ATP11A: variants seen among roughly 807,000 people sequenced by gnomAD.
ATP11A encodes phospholipid-transporting ATPase IH.
In ATP11A, 81 loss-of-function variants were observed where a neutral mutation model predicts 154.4. That is an observed-to-expected ratio of 0.52 (90% CI 0.44 to 0.63). The LOEUF (loss-of-function observed/expected upper bound fraction) is 0.63, where lower values mean the gene tolerates loss of function less well. Among genes scored for constraint, ATP11A ranks in the 30% least tolerant of loss-of-function variants. The pLI, the probability that ATP11A is intolerant of heterozygous loss-of-function variation, is 0.00. For synonymous variants in ATP11A, 623 were observed against 585.9 expected (o/e 1.06, Z -0.91); for missense variants, 1,316 against 1,474.3 (o/e 0.89, Z 1.76).
At chr13:112,834,225 T>C (rs1234728208) in intron 14 of ATP11A, among the ~76,000 whole-genome samples, 2 of 152,216 alleles carry the variant, frequency 1.3e-5, no homozygotes, top group East Asian at 3.8e-4. Context: ...TGGCATCGTG[T>C]TCTCCGCTCA....
intron 1 of ATP11A, among the ~76,000 whole-genome samples, chr13:112,762,671 AAAT>A (rs1231898478): frequency 3.3e-5 from 5 of 152,320 alleles, no homozygotes; most frequent in African/African-American, 4.8e-5. Flanking sequence ...CCCTGTGGTA[AAAT>A]TCCATTGCTG....
At chr13:112,723,756 T>C (rs1335086094) in intron 1 of ATP11A, among the ~76,000 whole-genome samples, 1 of 152,054 alleles carries the variant, frequency 6.6e-6, no homozygotes, top group Non-Finnish European at 1.5e-5. Flanking sequence ...CGGAAGGGGC[T>C]TAGGATTTTA....
chr13:112,697,205 C>T lies in ATP11A; in HGVS notation c.39+6750C>T, dbSNP rs778851922. 6.6e-6 allele frequency among the ~76,000 whole-genome samples: 1 copy of T among 152,112 alleles called. No homozygotes were observed. Among genetic ancestry groups the T allele is most frequent in the African/African-American group, 2.4e-5 (1 of 41,422 alleles). ...GCCCCTCGGTGGGCTCCGGTGCTGG[C>T]CTCTGCCTTCCCCAGGGCCACGGTG... On this transcript the variant is annotated intron_variant, in intron 1 of 29. Transcript: ENST00000375645. The surrounding 1 kb of genome is among the most constrained non-coding windows in gnomAD (Gnocchi z 4.0).
chr13:112,834,810 C>A, intron 15 of ATP11A, 150 bp downstream of exon 15: 1 of 633,634 alleles, frequency 1.6e-6, no homozygotes, highest in South Asian at 2.0e-5. Flanking sequence ...GGAATGTCAC[C>A]AGAATGTTCT....
intron 1 of ATP11A, among the ~76,000 whole-genome samples, chr13:112,757,562 T>C (rs954908326): frequency 1.3e-5 from 2 of 152,216 alleles, no homozygotes; most frequent in African/African-American, 4.8e-5. Context: ...CTGATTTGAA[T>C]CGGGAAAAGC....
At chr13:112,801,019 C>G (rs2078119215) in intron 2 of ATP11A, among the ~76,000 whole-genome samples, 1 of 152,162 alleles carries the variant, frequency 6.6e-6, no homozygotes, top group South Asian at 2.1e-4. Context: ...TCCGAAAAGC[C>G]CTACAGCTGA....
rs182621408 is a variant in ATP11A at position 112,796,756 on chromosome 13, C to T, written c.163-8201C>T. ...ATAATACAGACTGTACGGAGATTGA[C>T]GCGGTGTCAAAGGACCCGTGACCTT... On this transcript the variant is annotated intron_variant, in intron 2 of 29. Transcript: ENST00000375645. Among the ~76,000 whole-genome samples, 21 of 152,286 alleles carry T rather than the reference C, an allele frequency of 1.4e-4. No individual in the cohort carries two copies. In the East Asian group the frequency reaches 3.3e-3, roughly 24 times the overall value.
At chr13:112,714,761 A>C (rs1888233457) in intron 1 of ATP11A, among the ~76,000 whole-genome samples, 1 of 152,294 alleles carries the variant, frequency 6.6e-6, no homozygotes, top group South Asian at 2.1e-4. Context: ...GCCACTGTGG[A>C]TCAGGCTTTT....
intron 20 of ATP11A, 99 bp downstream of exon 20, chr13:112,856,184 C>G: frequency 8.4e-7 from 1 of 1,188,864 alleles, no homozygotes; most frequent in Non-Finnish European, 1.2e-6. Flanking sequence ...AACAATCTAG[C>G]AGGGTACCAC....
rs181161530 is a variant in ATP11A at position 112,827,523 on chromosome 13, T to C, written c.1221+632T>C. On this transcript the variant is annotated intron_variant, in intron 12 of 29. Coordinates refer to ENST00000375645, the MANE Select transcript of ATP11A (RefSeq NM_015205.3). ...ACCACCGGGAGGCACACACCAGACC[T>C]GCTGGCTTGAAGGGAGCTAGGGAAA... Among the ~76,000 whole-genome samples the C allele has an allele frequency of 3.9e-3, 591 of 152,270 alleles. 7 individuals carry two copies. The highest frequency in any genetic ancestry group is 0.014 in the African/African-American group (568 of 41,560).
At chr13:112,814,499 A>C (rs577526838) in intron 5 of ATP11A, among the ~76,000 whole-genome samples, 100 of 152,186 alleles carry the variant, frequency 6.6e-4, no homozygotes, top group Non-Finnish European at 9.4e-4. Flanking sequence ...ATTTAAGTTC[A>C]TGATCCATTT....
chr13:112,713,720 T>G (rs1335856649), intron 1 of ATP11A, among the ~76,000 whole-genome samples: 1 of 152,168 alleles, frequency 6.6e-6, no homozygotes, highest in African/African-American at 2.4e-5. Flanking sequence ...CGTTTAATCT[T>G]CTGATGACAG....
At chr13:112,731,960 T>G (rs1890530290) in intron 1 of ATP11A, among the ~76,000 whole-genome samples, 1 of 149,676 alleles carries the variant, frequency 6.7e-6, no homozygotes, top group African/African-American at 2.5e-5. Context: ...GTGGCCCATG[T>G]TCCGGTGTGG....
chr13:112,703,724 T>C (rs1886846101), intron 1 of ATP11A, among the ~76,000 whole-genome samples: 1 of 152,142 alleles, frequency 6.6e-6, no homozygotes, highest in African/African-American at 2.4e-5. Context: ...TATTTATGTC[T>C]TCTTTTTGCT....
At position 112,883,424 on chromosome 13, in the gene ATP11A, G is replaced by A. The variant is rs994002426; in HGVS notation, c.*1558G>A. On this transcript the variant is annotated 3_prime_UTR_variant, in exon 30 of 30. Coordinates refer to ENST00000375645, the MANE Select transcript of ATP11A (RefSeq NM_015205.3). ...CACCACCAACGCTGGAGGAGGAGCC[G>A]GCCCTCACGCCCGCCCCGCGCCACG... is the stretch of plus-strand genomic sequence containing the variant. 1.8e-5 allele frequency: 7 copies of A among 382,976 alleles called. No homozygotes were observed. The highest frequency in any genetic ancestry group is 1.4e-4 in the African/African-American group (7 of 48,414). The allele number at this position is 382,976 out of a possible 1,614,324, so 23.7% of individuals were successfully genotyped here.
At chr13:112,831,170 G>T (rs1271189132) in intron 12 of ATP11A, among the ~76,000 whole-genome samples, 2 of 152,180 alleles carry the variant, frequency 1.3e-5, no homozygotes, top group African/African-American at 4.8e-5. Flanking sequence ...AGGACTGCAG[G>T]GTCCTGTTGG....
At chr13:112,801,730 T>C (rs537361534) in intron 2 of ATP11A, among the ~76,000 whole-genome samples, 9 of 152,282 alleles carry the variant, frequency 5.9e-5, no homozygotes, top group African/African-American at 1.9e-4. Flanking sequence ...TCTAACAAGA[T>C]ATGTACAAGG....
At chr13:112,821,114 C>T (rs1020580141) in intron 8 of ATP11A, among the ~76,000 whole-genome samples, 3 of 152,110 alleles carry the variant, frequency 2.0e-5, no homozygotes, top group Non-Finnish European at 4.4e-5. Context: ...TCTTGTATTT[C>T]TGTGTGCCGT....
rs1186489898 is a variant in ATP11A, at chr13:112,870,535, C to T, written c.2992-1200C>T. Among the ~76,000 whole-genome samples the T allele has an allele frequency of 5.3e-5, 8 of 152,216 alleles. No individual in the cohort carries two copies. The South Asian group carries it at 1.0e-3, about 20-fold the overall frequency. The stretch of plus-strand genomic sequence containing the variant: ...CTGAGATTACAGGCAGGCGCCGCTA[C>T]GCCCGGCTAATGTTTGTATTCTTAG... On this transcript the variant is annotated intron_variant, in intron 25 of 29. Coordinates refer to ENST00000375645, the MANE Select transcript of ATP11A (RefSeq NM_015205.3).
Sources: gnomAD v4.1 joint callset for allele counts (sites outside exome capture counted in the v4.1 genomes callset) on GRCh38, gnomAD v4.1.1 for gene constraint, Gnocchi (gnomAD v3.1) non-coding constraint, MANE v1.5 for transcripts, NCBI Gene and HGNC (gene_info 2026-07-23, HGNC 2026-07-21) for gene names.